TFDP1: variants seen among roughly 807,000 people sequenced by gnomAD.
The protein encoded by TFDP1 is DRTF1-polypeptide 1.
In TFDP1, 6 loss-of-function variants were observed where a neutral mutation model predicts 48.0. The observed-to-expected ratio is 0.13, with a 90% confidence interval of 0.07 to 0.25. The LOEUF (loss-of-function observed/expected upper bound fraction) is 0.25, where lower values mean the gene tolerates loss of function less well. Among genes scored for constraint, TFDP1 ranks in the 10% least tolerant of loss-of-function variants. The probability of loss-of-function intolerance (pLI) is 1.00; values close to 1 mark genes in which losing one functional copy is unlikely to be tolerated. For synonymous variants in TFDP1, 201 were observed against 211.6 expected (o/e 0.95, Z 0.44); for missense variants, 335 against 543.0 (o/e 0.62, Z 3.81).
chr13:113,636,195 T>C (rs2049483301), intron 9 of TFDP1, 67 bp downstream of exon 9: 1 of 1,561,584 alleles, frequency 6.4e-7, no homozygotes, highest in African/African-American at 1.4e-5. Context: ...ACCCTGTTGG[T>C]ATTGTCACTA....
Position 113,633,938 on chromosome 13 carries a change from G to A in TFDP1, c.523G>A (p.Val175Met), listed in dbSNP as rs750890106. The change falls in exon 7 of 12, where the codon GTG (valine) becomes ATG (methionine). Residue 175 changes from valine (V) to methionine (M), a missense_variant. Val to Met is a conservative substitution (Grantham distance 21, BLOSUM62 1). Around this residue, in one of 3 missense-constraint regions of TFDP1, gnomAD observed 28 missense variants for 115.5 expected, o/e 0.24. Transcript: ENST00000375370. This position sits in a 1 kb window ranked among gnomAD's most constrained non-coding sequence, Gnocchi z 4.5. ...ACGGCGCGTCTACGATGCCTTAAAC[G>A]TGCTAATGGCCATGAACATCATCTC... ...IRRRVYDALN[V>M]LMAMNIISKE... The A allele has an allele frequency of 6.2e-7, 1 of 1,614,136 alleles. No individual in the cohort carries two copies. The highest frequency in any genetic ancestry group is 8.5e-7 in the Non-Finnish European group (1 of 1,180,038).
At chr13:113,603,217 C>G (rs2048483742) in intron 2 of TFDP1, among the ~76,000 whole-genome samples, 1 of 152,236 alleles carries the variant, frequency 6.6e-6, no homozygotes, top group African/African-American at 2.4e-5. Flanking sequence ...GTGTTGCTTG[C>G]TGACCCCCTC....
At chr13:113,622,171 A>G (rs1173330599) in intron 3 of TFDP1, among the ~76,000 whole-genome samples, 3 of 152,206 alleles carry the variant, frequency 2.0e-5, no homozygotes, top group Non-Finnish European at 4.4e-5. Context: ...CTTGTATCCA[A>G]TAAATATCAG....
chr13:113,625,276 GTC>G (rs1594506018), intron 4 of TFDP1, among the ~76,000 whole-genome samples: 2 of 123,654 alleles, frequency 1.6e-5, no homozygotes, highest in African/African-American at 7.5e-5. Flanking sequence ...GTCCTCAGGT[GTC>G]TCTCACGTGT....
intron 2 of TFDP1, among the ~76,000 whole-genome samples, chr13:113,599,657 C>T (rs1266825998): frequency 1.3e-5 from 2 of 152,230 alleles, no homozygotes; most frequent in Admixed American, 1.3e-4. Context: ...GTCCCCACGG[C>T]GAGCCTGCCC....
intron 2 of TFDP1, among the ~76,000 whole-genome samples, chr13:113,597,862 C>A (rs1258438549): frequency 6.6e-6 from 1 of 152,182 alleles, no homozygotes; most frequent in Non-Finnish European, 1.5e-5. Flanking sequence ...GTCTTTGCCC[C>A]AGTGTTGCAC....
At chr13:113,587,350 G>A (rs1770028741) in intron 2 of TFDP1, among the ~76,000 whole-genome samples, 1 of 152,134 alleles carries the variant, frequency 6.6e-6, no homozygotes, top group East Asian at 1.9e-4. Flanking sequence ...GGGGGTTGGC[G>A]CTGGGAGGAG....
intron 2 of TFDP1, among the ~76,000 whole-genome samples, chr13:113,593,306 G>A (rs2048194428): frequency 1.4e-5 from 2 of 144,842 alleles, no homozygotes; most frequent in Non-Finnish European, 3.0e-5. Context: ...CCAGGTGACA[G>A]GTGTGGTGTG....
At chr13:113,632,818 G>A (rs951824691) in intron 5 of TFDP1, among the ~76,000 whole-genome samples, 3 of 152,242 alleles carry the variant, frequency 2.0e-5, no homozygotes, top group African/African-American at 7.2e-5. Context: ...GGTGCTTGGT[G>A]TACCGGCACA....
At chr13:113,639,990 G>T in intron 11 of TFDP1, 130 bp from the exon 12 acceptor site, 1 of 669,780 alleles carries the variant, frequency 1.5e-6, no homozygotes, top group Non-Finnish European at 2.6e-6. Flanking sequence ...CAGCCTCCCC[G>T]TTCTGTTTGT....
chr13:113,594,100 G>A (rs973356948), intron 2 of TFDP1, among the ~76,000 whole-genome samples: 2 of 125,712 alleles, frequency 1.6e-5, no homozygotes, highest in Non-Finnish European at 3.3e-5. Context: ...GACAGGTGTG[G>A]TGTACGTGGG....
At chr13:113,629,542 G>T (rs1354166717) in intron 4 of TFDP1, among the ~76,000 whole-genome samples, 3 of 152,138 alleles carry the variant, frequency 2.0e-5, no homozygotes, top group Non-Finnish European at 4.4e-5. Context: ...TTTGAGTGTG[G>T]TATTCAGTGG....
intron 11 of TFDP1, among the ~76,000 whole-genome samples, chr13:113,639,009 T>A (rs2049574687): frequency 1.3e-5 from 2 of 152,166 alleles, no homozygotes. Flanking sequence ...ACGTGTAGCT[T>A]CCTGGCCAGC....
intron 1 of TFDP1, 23 bp downstream of exon 1, chr13:113,584,911 G>A (rs1160627073): frequency 6.8e-6 from 1 of 146,244 alleles, no homozygotes; most frequent in Non-Finnish European, 1.5e-5. Flanking sequence ...AGGGGATGCC[G>A]CGGGAGCCGC....
intron 2 of TFDP1, among the ~76,000 whole-genome samples, chr13:113,606,250 G>A (rs998384522): frequency 6.6e-6 from 1 of 152,078 alleles, no homozygotes; most frequent in Non-Finnish European, 1.5e-5. Flanking sequence ...GTGAGTGTCC[G>A]CAGGGGAGCC....
At chr13:113,619,486 A>C (rs1480758649) in intron 3 of TFDP1, among the ~76,000 whole-genome samples, 4 of 150,288 alleles carry the variant, frequency 2.7e-5, no homozygotes, top group African/African-American at 9.9e-5. Context: ...AAAAACAAAA[A>C]AAAAAAAAAA....
At chr13:113,635,056 C>T (rs1020765109) in intron 8 of TFDP1, among the ~76,000 whole-genome samples, 3 of 152,244 alleles carry the variant, frequency 2.0e-5, no homozygotes, top group Non-Finnish European at 2.9e-5. Flanking sequence ...ACCCAAGGCC[C>T]AGGTGCCAGG....
chr13:113,599,699 T>A (rs1238780933), intron 2 of TFDP1, among the ~76,000 whole-genome samples: 5 of 151,954 alleles, frequency 3.3e-5, no homozygotes, highest in Non-Finnish European at 5.9e-5. Context: ...AAGGAGGAGG[T>A]AGTAGGTGCA....
At chr13:113,638,632 G>T (rs568517473) in intron 11 of TFDP1, among the ~76,000 whole-genome samples, 46 of 152,312 alleles carry the variant, frequency 3.0e-4, no homozygotes, top group African/African-American at 9.6e-4. Flanking sequence ...TTTATTGTAT[G>T]AATATATATT....
Sources: gnomAD v4.1 joint callset for allele counts (sites outside exome capture counted in the v4.1 genomes callset) on GRCh38, gnomAD v4.1.1 for gene constraint, gnomAD v4.1.1 regional missense constraint, Gnocchi (gnomAD v3.1) non-coding constraint, MANE v1.5 for transcripts, NCBI Gene and HGNC (gene_info 2026-07-23, HGNC 2026-07-21) for gene names.